Variants in PARK7 observed in about 807,000 individuals in gnomAD.
PARK7 encodes the protein Parkinsonism associated deglycase.
PARK7 carries 14 observed loss-of-function variants against 20.5 expected under a neutral mutation model. The ratio of observed to expected loss-of-function variants is 0.68; its 90% CI spans 0.45 to 1.07. The LOEUF (loss-of-function observed/expected upper bound fraction) is 1.07. Ranked by LOEUF, PARK7 falls within the 50% of genes least tolerant of loss-of-function variation. The pLI, the probability that PARK7 is intolerant of heterozygous loss-of-function variation, is 0.00. For synonymous variants in PARK7, 98 were observed against 84.3 expected, an observed-to-expected ratio of 1.16 and a Z score of -0.89; for missense variants, 234 against 238.1, an observed-to-expected ratio of 0.98 and a Z score of 0.11.
Position 7,973,926 on chromosome 1 carries a change from T to A in PARK7, c.322+2963T>A, listed in dbSNP as rs12563217. Among the ~76,000 whole-genome samples, 46 of 129,598 alleles carry A rather than the reference T, an allele frequency of 3.5e-4. No individual in the cohort carries two copies. The East Asian group carries it at 9.6e-3, about 27-fold the overall frequency. The allele number at this position is 129,598 out of a possible 152,430, so 85.0% of individuals were successfully genotyped here. Reference sequence around the variant, plus strand: ...TCGTTTCAAAAAAAAAAAAAAAAAATCAACCACATTTGGCTTACTGTTTTG... The same window carrying A: ...TCGTTTCAAAAAAAAAAAAAAAAAAACAACCACATTTGGCTTACTGTTTTG... On this transcript the variant is annotated intron_variant, in intron 5 of 6. Coordinates refer to ENST00000338639, the MANE Select transcript of PARK7 (RefSeq NM_007262.5).
Position 7,977,733 on chromosome 1 carries a change from A to G in PARK7, c.404A>G (p.Asn135Ser). ...THPLAKDKMM[N>S]GGHYTYSENR... ...CCTCTTGCTAAAGACAAAATGATGAATGGAGGTAAGTATATGCTTGTTTTT... is the reference window on the plus strand; with the variant it reads ...CCTCTTGCTAAAGACAAAATGATGAGTGGAGGTAAGTATATGCTTGTTTTT... The change falls in exon 6 of 7, where the codon AAT becomes AGT. Residue 135 changes from asparagine to serine, a missense_variant. Coordinates refer to ENST00000338639, the MANE Select transcript of PARK7 (RefSeq NM_007262.5). The G allele has an allele frequency of 6.2e-7, 1 of 1,613,532 alleles. No individual in the cohort carries two copies. Among genetic ancestry groups the G allele is most frequent in the South Asian group, 1.1e-5 (1 of 91,076 alleles).
At position 7,962,750 on chromosome 1, in the gene PARK7, TTTTTTTTTTAAGGC is replaced by T. The variant is rs1640235291; in HGVS notation, c.-23-10_-20del. On this transcript the variant is annotated splice_acceptor_variant and splice_polypyrimidine_tract_variant and 5_prime_UTR_variant and intron_variant, in exon 2 of 7. Coordinates refer to ENST00000338639, the MANE Select transcript of PARK7 (RefSeq NM_007262.5). LOFTEE classifies it low-confidence loss of function (5UTR_SPLICE). ...AAAGTTTTTTGAAATCTTTTTTTTT[TTTTTTTTTTAAGGC>T]TTGTAAACATATAACATAAAAATGG... The T allele has an allele frequency of 6.7e-7, 1 of 1,486,198 alleles. No individual in the cohort carries two copies. The highest frequency in any genetic ancestry group is 1.4e-5 in the African/African-American group (1 of 70,016). 92.1% of individuals were successfully genotyped at this position (1,486,198 alleles called of 1,614,324 possible). A position where few individuals can be genotyped will look rare whatever the true frequency, so the allele number is the denominator to read the frequency against.
intron 6 of PARK7, among the ~76,000 whole-genome samples, chr1:7,981,936 G>A (rs1640718805): frequency 6.7e-6 from 1 of 149,896 alleles, no homozygotes. Flanking sequence ...GGGATTACAG[G>A]CGTGAGCCAC....
intron 1 of PARK7, among the ~76,000 whole-genome samples, chr1:7,962,546 C>T (rs987945357): frequency 1.3e-5 from 2 of 152,084 alleles, no homozygotes; most frequent in African/African-American, 2.4e-5. Flanking sequence ...CCTTTTAGCA[C>T]CCTCATTATG....
At chr1:7,966,258 TC>T (rs1389009038) in intron 3 of PARK7, among the ~76,000 whole-genome samples, 2 of 152,088 alleles carry the variant, frequency 1.3e-5, no homozygotes, top group Non-Finnish European at 1.5e-5. Flanking sequence ...GGAGTGCGGT[TC>T]CCTGGGCCGA....
chr1:7,972,237 G>C (rs1162107956), intron 5 of PARK7, among the ~76,000 whole-genome samples: 1 of 152,002 alleles, frequency 6.6e-6, no homozygotes, highest in Non-Finnish European at 1.5e-5. Context: ...CAAGGCAGAA[G>C]GATCTCTTGA....
intron 6 of PARK7, among the ~76,000 whole-genome samples, chr1:7,981,979 TTTTTTTTTTTTTTTGAGACGGAGTC>T: frequency 7.7e-6 from 1 of 129,398 alleles, no homozygotes; most frequent in Non-Finnish European, 1.6e-5. Context: ...TTTTTTTTTT[TTTTTTTTTTTTTTTGAGACGGAGTC>T]TTGCTCTCTC....
chr1:7,963,534 C>T (rs571246224), intron 2 of PARK7, among the ~76,000 whole-genome samples: 18 of 151,952 alleles, frequency 1.2e-4, no homozygotes, highest in African/African-American at 3.6e-4. Context: ...TCCGCCACCA[C>T]GCCCGGCTAA....
intron 3 of PARK7, 134 bp downstream of exon 3, chr1:7,965,559 G>T (rs1640307756): frequency 1.3e-6 from 1 of 778,656 alleles, no homozygotes; most frequent in East Asian, 2.6e-5. Context: ...AGATTAAGAG[G>T]GTGAGGACTT....
rs905117835 is a variant in PARK7 at position 7,984,426 on chromosome 1, C to T, written c.410-468C>T. On this transcript the variant is annotated intron_variant, in intron 6 of 6. Coordinates refer to ENST00000338639, the MANE Select transcript of PARK7 (RefSeq NM_007262.5). This position sits in a 1 kb window ranked among gnomAD's most constrained non-coding sequence, Gnocchi z 4.3. Reference sequence around the variant, plus strand: ...TGGTTTCTACCTGCACACGCACACTCACATGCATACCCGCCTCCATTACGT... The same window carrying T: ...TGGTTTCTACCTGCACACGCACACTTACATGCATACCCGCCTCCATTACGT... 2.0e-5 allele frequency among the ~76,000 whole-genome samples: 3 copies of T among 152,238 alleles called. No individual in the cohort carries two copies. Among genetic ancestry groups the T allele is most frequent in the Non-Finnish European group, 2.9e-5 (2 of 68,048 alleles).
rs541016970 is a variant in PARK7, at chr1:7,977,095, C to G, written c.323-557C>G. Among the ~76,000 whole-genome samples the G allele has an allele frequency of 1.0e-3, 157 of 152,250 alleles. 1 individual carries two copies. The highest frequency in any genetic ancestry group is 3.4e-3 in the African/African-American group (143 of 41,534). ...CCAGAAGTTCAGAGAGTACCAGTTG[C>G]CTTTAGCATGTAACTAAATCTTTCC... On this transcript the variant is annotated intron_variant, in intron 5 of 6. Transcript: ENST00000338639.
chr1:7,965,877 A>G (rs1196852925), intron 3 of PARK7, among the ~76,000 whole-genome samples: 2 of 152,104 alleles, frequency 1.3e-5, no homozygotes, highest in Admixed American at 1.3e-4. Context: ...TGGTGCAGTC[A>G]CAGCTCACTG....
At chr1:7,964,074 A>G (rs775058122) in intron 2 of PARK7, among the ~76,000 whole-genome samples, 2 of 152,036 alleles carry the variant, frequency 1.3e-5, no homozygotes, top group African/African-American at 4.8e-5. Flanking sequence ...CGGCCTCCCA[A>G]AGTGCTGTGA....
At position 7,971,074 on chromosome 1, in the gene PARK7, C is replaced by G; in HGVS notation, c.322+111C>G. The G allele has an allele frequency of 2.6e-6, 3 of 1,162,270 alleles. No individual in the cohort carries two copies. The South Asian group carries it at 3.8e-5, about 15-fold the overall frequency. The allele number at this position is 1,162,270 out of a possible 1,614,324, so 72.0% of individuals were successfully genotyped here. ...CCCCTTCATAAAGCATGCAGGGCAT[C>G]TGTGTTGGTGTATTTAGTTTGGGTG... On this transcript the variant is annotated intron_variant, in intron 5 of 6. Transcript: ENST00000338639.
rs1640237604 is a variant in PARK7, at chr1:7,962,817, C to G, written c.32C>G (p.Ala11Gly). The change falls in exon 2 of 7, where the codon GCT becomes GGT. Residue 11 changes from alanine to glycine, a missense_variant. Physicochemically the swap from Ala to Gly is moderately conservative, Grantham distance 60 (BLOSUM62 0). Coordinates refer to ENST00000338639, the MANE Select transcript of PARK7 (RefSeq NM_007262.5). ...TCCAAAAGAGCTCTGGTCATCCTGG[C>G]TAAAGGAGCAGAGGAAATGGAGACG... MASKRALVIL[A>G]KGAEEMETVI... 1 of 1,610,206 alleles carries G rather than the reference C, an allele frequency of 6.2e-7. No individual in the cohort carries two copies. Among genetic ancestry groups the G allele is most frequent in the African/African-American group, 1.4e-5 (1 of 73,712 alleles).
intron 6 of PARK7, among the ~76,000 whole-genome samples, chr1:7,978,582 G>A (rs1424492498): frequency 4.6e-5 from 7 of 151,930 alleles, no homozygotes; most frequent in Non-Finnish European, 8.8e-5. Flanking sequence ...AGTGGCTTCC[G>A]CCTGTAATCC....
intron 5 of PARK7, among the ~76,000 whole-genome samples, chr1:7,972,866 C>T (rs1265853144): frequency 6.6e-6 from 1 of 152,092 alleles, no homozygotes; most frequent in African/African-American, 2.4e-5. Flanking sequence ...TGGTGAAACC[C>T]CGTCTCTACT....
Position 7,969,366 on chromosome 1 carries a change from C to G in PARK7, c.214C>G (p.Leu72Val). The stretch of plus-strand genomic sequence containing the variant: ...ACAGGGACCATATGATGTGGTGGTT[C>G]TACCAGGAGGTAATCTGGGCGCACA... ...KKEGPYDVVV[L>V]PGGNLGAQNL... The change falls in exon 4 of 7, where the codon CTA becomes GTA. Residue 72 changes from leucine to valine, a missense_variant. By Grantham distance (32) the Leu-to-Val change is conservative. Transcript: ENST00000338639. 2 of 1,612,348 alleles carry G rather than the reference C, an allele frequency of 1.2e-6. No individual in the cohort carries two copies. Among genetic ancestry groups the G allele is most frequent in the South Asian group, 2.2e-5 (2 of 90,988 alleles).
At chr1:7,983,249 G>A (rs1640748271) in intron 6 of PARK7, among the ~76,000 whole-genome samples, 1 of 152,230 alleles carries the variant, frequency 6.6e-6, no homozygotes, top group Non-Finnish European at 1.5e-5. Context: ...TCCGCACTGA[G>A]CGGTGGTGAC....
Sources: gnomAD v4.1 joint callset for allele counts (sites outside exome capture counted in the v4.1 genomes callset) on GRCh38, gnomAD v4.1.1 for gene constraint, Gnocchi (gnomAD v3.1) non-coding constraint, MANE v1.5 for transcripts, NCBI Gene and HGNC (gene_info 2026-07-23, HGNC 2026-07-21) for gene names.